Variants in FAM186A observed in about 807,000 individuals in gnomAD.
FAM186A encodes the protein family with sequence similarity 186 member A.
In FAM186A, 163 loss-of-function variants were observed where a neutral mutation model predicts 216.8. The observed-to-expected ratio is 0.75, with a 90% confidence interval of 0.66 to 0.86. The LOEUF is 0.86. Among genes scored for constraint, FAM186A ranks in the 40% least tolerant of loss-of-function variants. The pLI is 0.00. For missense variants in FAM186A, 2,184 were observed against 2,746.2 expected (o/e 0.80, Z 4.58); for synonymous variants, 805 against 1,025.3 (o/e 0.79, Z 4.10).
At chr12:50,331,118 T>C (rs1942652268) in intron 6 of FAM186A, among the ~76,000 whole-genome samples, 1 of 152,196 alleles carries the variant, frequency 6.6e-6, no homozygotes, top group South Asian at 2.1e-4. Context: ...TTAAATATTC[T>C]TAAAAGAATT....
intron 1 of FAM186A, among the ~76,000 whole-genome samples, chr12:50,383,249 TAAAAAAAAAAAAAAAAA>T (rs1167515309): frequency 2.2e-3 from 23 of 10,372 alleles, no homozygotes; most frequent in Non-Finnish European, 0.011. Context: ...AGACTCCGTC[TAAAAAAAAAAAAAAAAA>T]AAAAAAAAAA....
intron 6 of FAM186A, 129 bp from the exon 7 acceptor site, chr12:50,330,887 T>A: frequency 2.8e-6 from 2 of 709,364 alleles, no homozygotes; most frequent in Non-Finnish European, 4.2e-6. Context: ...TGACCAGCAT[T>A]AGCTATGCCC....
At chr12:50,393,013 G>A (rs1364181263) in intron 1 of FAM186A, among the ~76,000 whole-genome samples, 4 of 150,026 alleles carry the variant, frequency 2.7e-5, no homozygotes, top group East Asian at 2.0e-4. Context: ...TGCAAGCTCT[G>A]CCTCCCGGGT....
At chr12:50,339,741 TACAC>T (rs10611207) in intron 4 of FAM186A, among the ~76,000 whole-genome samples, 6,495 of 148,464 alleles carry the variant, frequency 0.044, 356 homozygotes, top group African/African-American at 0.11. Context: ...CAAAGTACTT[TACAC>T]ACACACACAC....
chr12:50,372,990 GGAAGGAATGAAA>G (rs1457219464), intron 1 of FAM186A, among the ~76,000 whole-genome samples: 18 of 22,876 alleles, frequency 7.9e-4, no homozygotes, highest in South Asian at 1.5e-3. Context: ...GAGGAAGGAA[GGAAGGAATGAAA>G]GAAAGAAAGA....
chr12:50,346,241 G>GAAAGAAAGAAAGAAAGAAAGA (rs1555215384), intron 4 of FAM186A, among the ~76,000 whole-genome samples: 1 of 145,312 alleles, frequency 6.9e-6, no homozygotes, highest in South Asian at 2.2e-4. Context: ...AAGAAAAAAA[G>GAAAGAAAGAAAGAAAGAAAGA]AAAGAAAGAA....
chr12:50,385,475 C>T (rs944965216), intron 1 of FAM186A, among the ~76,000 whole-genome samples: 7 of 150,660 alleles, frequency 4.6e-5, no homozygotes, highest in African/African-American at 1.5e-4. Context: ...GGGAAAAGTT[C>T]CATGACATTG....
intron 1 of FAM186A, among the ~76,000 whole-genome samples, chr12:50,376,677 T>G (rs1353383648): frequency 6.6e-6 from 1 of 151,816 alleles, no homozygotes; most frequent in African/African-American, 2.4e-5. Flanking sequence ...AAGTTCTCAC[T>G]CTGGTCCTGG....
Position 50,331,825 on chromosome 12 carries a change from T to TAA in FAM186A, c.6697-6_6697-5dup. ...TCAATTCATGTATCTTTTTGAGCTA[T>TAA]AAAAAAAAATAGATCAGAAAAAGGA... On this transcript the variant is annotated splice_region_variant and splice_polypyrimidine_tract_variant and intron_variant, in intron 5 of 7. Transcript: ENST00000327337. 6.7e-7 allele frequency: 1 copy of TAA among 1,485,776 alleles called. No individual in the cohort carries two copies. The highest frequency in any genetic ancestry group is 8.9e-7 in the Non-Finnish European group (1 of 1,117,836). 92.0% of individuals were successfully genotyped at this position (1,485,776 alleles called of 1,614,324 possible).
rs1260199775 is a variant in FAM186A, at chr12:50,354,271, T to C, written c.2561A>G (p.Tyr854Cys). The change falls in exon 4 of 8, where the codon TAT (tyrosine) becomes TGT (cysteine). Residue 854 changes from tyrosine to cysteine, a missense_variant. Transcript: ENST00000327337. ...LGERNLLKEHYEKISENWEEK... is the reference protein window; with the variant it reads ...LGERNLLKEHCEKISENWEEK... The stretch of plus-strand genomic sequence containing the variant: ...TTCCCAATTCTCACTTATCTTCTCA[T>C]AGTGCTCCTTCAAGAGATTTCTTTC... The C allele has an allele frequency of 7.7e-6, 12 of 1,551,554 alleles. No homozygotes were observed. The highest frequency in any genetic ancestry group is 3.6e-5 in the South Asian group (3 of 84,064).
Position 50,356,065 on chromosome 12 carries a change from T to C in FAM186A, c.767A>G (p.Asn256Ser), listed in dbSNP as rs1268218023. 6.4e-6 allele frequency: 10 copies of C among 1,551,676 alleles called. No individual in the cohort carries two copies. The highest frequency in any genetic ancestry group is 6.1e-6 in the Non-Finnish European group (7 of 1,146,970). The change falls in exon 4 of 8, where the codon AAT becomes AGT. Residue 256 changes from asparagine to serine, a missense_variant. This residue lies in a region of FAM186A where 1,132 missense variants were observed against 1,263.4 expected (regional missense o/e 0.90). Coordinates refer to ENST00000327337, the MANE Select transcript of FAM186A (RefSeq NM_001145475.3). ...TGTTGATGATATATATTTAATAGCA[T>C]TGTTTTCCAATGTACTGAACATTGT... Reference protein sequence around the residue: ...GTTMFSTLENNAIKYISSTIV... With the variant: ...GTTMFSTLENSAIKYISSTIV...
intron 3 of FAM186A, among the ~76,000 whole-genome samples, chr12:50,359,464 G>A (rs1943011184): frequency 6.6e-6 from 1 of 152,138 alleles, no homozygotes; most frequent in South Asian, 2.1e-4. Context: ...TGTGTACATT[G>A]CTGATGAGAG....
At position 50,330,669 on chromosome 12, in the gene FAM186A, A is replaced by G. The variant is rs1942648329; in HGVS notation, c.6938T>C (p.Leu2313Pro). 1 of 1,550,674 alleles carries G rather than the reference A, an allele frequency of 6.4e-7. No individual in the cohort carries two copies. Among genetic ancestry groups the G allele is most frequent in the Admixed American group, 2.0e-5 (1 of 50,722 alleles). Reference sequence around the variant, plus strand: ...TGGGTACCCACCCAGCTGGGCCCAGAGTGAATGCATAGATGTCTTCTCTGC... The same window carrying G: ...TGGGTACCCACCCAGCTGGGCCCAGGGTGAATGCATAGATGTCTTCTCTGC... ...PIAEKTSMHS[L>P]WAQLGGYPDI... Residue 2313 changes from leucine to proline, a missense_variant, in exon 7 of 8, where the codon CTC (leucine) becomes CCC (proline). By Grantham distance (98) the Leu-to-Pro change is moderately conservative. Transcript: ENST00000327337.
At chr12:50,373,997 T>C (rs1400776021) in intron 1 of FAM186A, among the ~76,000 whole-genome samples, 1 of 151,870 alleles carries the variant, frequency 6.6e-6, no homozygotes, top group Non-Finnish European at 1.5e-5. Flanking sequence ...TCATGTCCTT[T>C]ATAAGGACAT....
At chr12:50,370,409 G>A (rs879508598) in intron 1 of FAM186A, among the ~76,000 whole-genome samples, 1 of 151,972 alleles carries the variant, frequency 6.6e-6, no homozygotes, top group Non-Finnish European at 1.5e-5. Context: ...TATGTTCAAC[G>A]TAACTAGTAA....
rs937029121 is a variant in FAM186A at position 50,396,464 on chromosome 12, A to G, written c.21T>C (p.Asn7=). 3 of 1,534,546 alleles carry G rather than the reference A, an allele frequency of 2.0e-6. No homozygotes were observed. The highest frequency in any genetic ancestry group is 1.4e-5 in the African/African-American group (1 of 71,996). The change falls in exon 1 of 8, where the codon AAT becomes AAC. Residue 7 remains asparagine, a synonymous_variant. Coordinates refer to ENST00000327337, the MANE Select transcript of FAM186A (RefSeq NM_001145475.3). MFFKMK[N]EIDNDPESEK... ...CTGATTCAGGGTCATTGTCTATCTCATTTTTCATTTTGAAGAACATTTTGA... is the reference window on the plus strand; with the variant it reads ...CTGATTCAGGGTCATTGTCTATCTCGTTTTTCATTTTGAAGAACATTTTGA...
intron 1 of FAM186A, among the ~76,000 whole-genome samples, chr12:50,383,734 T>C (rs2136106001): frequency 6.6e-6 from 1 of 152,266 alleles, no homozygotes; most frequent in Non-Finnish European, 1.5e-5. Flanking sequence ...CTAATTGCCA[T>C]GTACAGTATG....
At chr12:50,338,143 G>A (rs1942728847) in intron 4 of FAM186A, among the ~76,000 whole-genome samples, 1 of 152,118 alleles carries the variant, frequency 6.6e-6, no homozygotes, top group Non-Finnish European at 1.5e-5. Context: ...TACTACTACT[G>A]TACTACTACT....
intron 1 of FAM186A, among the ~76,000 whole-genome samples, chr12:50,376,205 T>G (rs1449366722): frequency 6.6e-6 from 1 of 152,168 alleles, no homozygotes; most frequent in Non-Finnish European, 1.5e-5. Context: ...CGGGGGCATG[T>G]CACAACCCAT....
Sources: gnomAD v4.1 joint callset for allele counts (sites outside exome capture counted in the v4.1 genomes callset) on GRCh38, gnomAD v4.1.1 for gene constraint, gnomAD v4.1.1 regional missense constraint, MANE v1.5 for transcripts, NCBI Gene and HGNC (gene_info 2026-07-23, HGNC 2026-07-21) for gene names.